TRABD2A: variants seen among roughly 807,000 people sequenced by gnomAD.
The protein encoded by TRABD2A is metalloprotease TIKI1.
In TRABD2A, 43 loss-of-function variants were observed where a neutral mutation model predicts 45.6. The observed-to-expected ratio is 0.94, with a 90% CI of 0.74 to 1.22. The LOEUF is 1.22. Among genes scored for constraint, TRABD2A ranks in the 50% most tolerant of loss-of-function variants. The pLI is 0.00. For synonymous variants in TRABD2A, 269 were observed against 265.0 expected, an observed-to-expected ratio of 1.02 and a Z score of -0.15; for missense variants, 642 against 652.4, an observed-to-expected ratio of 0.98 and a Z score of 0.17.
At chr2:84,857,746 G>A (rs890352601) in intron 2 of TRABD2A, among the ~76,000 whole-genome samples, 3 of 152,102 alleles carry the variant, frequency 2.0e-5, no homozygotes, top group Non-Finnish European at 4.4e-5. Flanking sequence ...CTGACGGCCC[G>A]GGATCCCAGC....
At chr2:84,838,222 T>C (rs1295157078) in intron 4 of TRABD2A, 2 of 717,620 alleles carry the variant, frequency 2.8e-6, no homozygotes, top group East Asian at 2.7e-5. Context: ...AGGCTCCTGA[T>C]TTTCAAGGCT....
intron 2 of TRABD2A, among the ~76,000 whole-genome samples, chr2:84,861,509 G>A (rs1030544855): frequency 1.3e-5 from 2 of 152,200 alleles, no homozygotes; most frequent in Non-Finnish European, 2.9e-5. Context: ...AGGAGGAGGA[G>A]ATCAGGCAGT....
intron 2 of TRABD2A, among the ~76,000 whole-genome samples, chr2:84,861,144 G>A (rs769745669): frequency 2.6e-5 from 4 of 152,192 alleles, no homozygotes; most frequent in Admixed American, 6.5e-5. Context: ...CTTTACCTTT[G>A]GCACCAGGTA....
In TRABD2A at chr2:84,821,944, A is replaced by AGCCAGC; in HGVS notation, c.1485_1490dup (p.Leu496_Ala497dup). 1 of 1,603,268 alleles carries AGCCAGC rather than the reference A, an allele frequency of 6.2e-7. No homozygotes were observed. Among genetic ancestry groups the AGCCAGC allele is most frequent in the South Asian group, 1.1e-5 (1 of 88,496 alleles). On this transcript the variant is annotated inframe_insertion, in exon 7 of 7. Transcript: ENST00000409520. Reference sequence around the variant, plus strand: ...ACAGGAGGGGTGTCTCTGTTTGGAAAGCCAGCACCAGCACCCAGAACACAG... The same window carrying AGCCAGC: ...ACAGGAGGGGTGTCTCTGTTTGGAAAGCCAGCGCCAGCACCAGCACCCAGAACACAG...
At chr2:84,840,429 C>T (rs1681671333) in intron 3 of TRABD2A, among the ~76,000 whole-genome samples, 1 of 152,172 alleles carries the variant, frequency 6.6e-6, no homozygotes, top group Non-Finnish European at 1.5e-5. Flanking sequence ...CCTGCTCCAC[C>T]TTCTAAATTC....
At chr2:84,860,842 G>A (rs980970050) in intron 2 of TRABD2A, among the ~76,000 whole-genome samples, 5 of 152,250 alleles carry the variant, frequency 3.3e-5, no homozygotes, top group Admixed American at 1.3e-4. Flanking sequence ...TGGTGAGGTG[G>A]AGAAGGTGTG....
chr2:84,877,894 A>C (rs1320128026), intron 1 of TRABD2A, among the ~76,000 whole-genome samples: 2 of 152,190 alleles, frequency 1.3e-5, no homozygotes, highest in Non-Finnish European at 2.9e-5. Context: ...TTTTCATTCA[A>C]CAAATATTTT....
chr2:84,833,813 CT>C (rs1447075791), intron 4 of TRABD2A: 13 of 150,990 alleles, frequency 8.6e-5, no homozygotes, highest in African/African-American at 3.2e-4. Context: ...CAATCTAGCC[CT>C]GCATCAGTAT....
chr2:84,832,865 AAAAAC>A (rs1681388412), intron 4 of TRABD2A: 1 of 152,162 alleles, frequency 6.6e-6, no homozygotes, highest in Admixed American at 6.5e-5. Flanking sequence ...TGCTCTCTGA[AAAAAC>A]AGGGAGGCTG....
chr2:84,870,173 T>C (rs1321743310), intron 2 of TRABD2A, 52 bp downstream of exon 2: 1 of 1,516,624 alleles, frequency 6.6e-7, no homozygotes, highest in Non-Finnish European at 9.0e-7. Flanking sequence ...ACTCAACAGA[T>C]TCACCCATAC....
chr2:84,832,956 C>A (rs1681391189), intron 4 of TRABD2A: 1 of 152,208 alleles, frequency 6.6e-6, no homozygotes, highest in African/African-American at 2.4e-5. Flanking sequence ...TAAGATCTGT[C>A]ATTCTTGGAG....
chr2:84,850,065 A>C (rs1297214741), intron 2 of TRABD2A, among the ~76,000 whole-genome samples: 1 of 152,202 alleles, frequency 6.6e-6, no homozygotes, highest in Non-Finnish European at 1.5e-5. Flanking sequence ...TTCCTCTCTA[A>C]TGCCGTCTTG....
At chr2:84,879,995 A>ACCCCCCCCAC (rs1683149947) in intron 1 of TRABD2A, among the ~76,000 whole-genome samples, 1 of 128,356 alleles carries the variant, frequency 7.8e-6, no homozygotes, top group Non-Finnish European at 1.7e-5. Context: ...CCCACCCCCA[A>ACCCCCCCCAC]CCCCCCCCAC....
intron 6 of TRABD2A, among the ~76,000 whole-genome samples, chr2:84,822,929 T>C (rs1285304326): frequency 1.3e-5 from 2 of 152,216 alleles, no homozygotes; most frequent in African/African-American, 2.4e-5. Flanking sequence ...AATTACTTTA[T>C]CTCAGCTTCT....
chr2:84,879,462 T>C (rs752600557), intron 1 of TRABD2A: 2 of 364,576 alleles, frequency 5.5e-6, no homozygotes, highest in Non-Finnish European at 7.6e-6. Flanking sequence ...ATTACAGGAG[T>C]GAGCTACCAT....
At chr2:84,879,120 G>A (rs1021214588) in intron 1 of TRABD2A, among the ~76,000 whole-genome samples, 4 of 151,668 alleles carry the variant, frequency 2.6e-5, no homozygotes, top group Non-Finnish European at 4.4e-5. Context: ...TGTGTGCTAT[G>A]TTGTGTTTTA....
intron 1 of TRABD2A, among the ~76,000 whole-genome samples, chr2:84,879,001 T>C (rs1040188083): frequency 6.6e-6 from 1 of 152,204 alleles, no homozygotes; most frequent in African/African-American, 2.4e-5. Context: ...AAACTGTTTT[T>C]ATAAAACTAA....
At chr2:84,840,387 G>A (rs554259285) in intron 3 of TRABD2A, among the ~76,000 whole-genome samples, 4 of 152,050 alleles carry the variant, frequency 2.6e-5, no homozygotes, top group African/African-American at 7.2e-5. Context: ...CAGAGGCAGC[G>A]TCAGATACAC....
rs747492693 is a variant in TRABD2A at position 84,880,947 on chromosome 2, G to T, written c.93C>A (p.Cys31Ter). Residue 31 changes from cysteine to a stop codon, truncating the protein, a stop_gained, in exon 1 of 7, where the codon TGC becomes TGA. Transcript: ENST00000409520. LOFTEE classifies it high-confidence loss of function. The stretch of plus-strand genomic sequence containing the variant: ...CGCGCCTTACTTGGGGCTTGAGCTC[G>T]CAGTTGGCGGTGCCGGGCGCCCCGC... The part of the protein sequence containing the change: ...SRRGAPGTAN[C>*]ELKPQQSELN... 2 of 1,596,048 alleles carry T rather than the reference G, an allele frequency of 1.3e-6. No individual in the cohort carries two copies. Among genetic ancestry groups the T allele is most frequent in the South Asian group, 2.3e-5 (2 of 88,252 alleles).
Sources: gnomAD v4.1 joint callset for allele counts (sites outside exome capture counted in the v4.1 genomes callset) on GRCh38, gnomAD v4.1.1 for gene constraint, MANE v1.5 for transcripts, NCBI Gene and HGNC (gene_info 2026-07-23, HGNC 2026-07-21) for gene names.